B3GNT3: variants seen among roughly 807,000 people sequenced by gnomAD.
The protein encoded by B3GNT3 is UDP-GlcNAc:betaGal beta-1,3-N-acetylglucosaminyltransferase 3, also known as N-acetyllactosaminide beta-1,3-N-acetylglucosaminyltransferase 3.
B3GNT3 carries 7 observed loss-of-function variants against 11.6 expected under a neutral mutation model. The observed-to-expected ratio is 0.60, with a 90% CI of 0.34 to 1.13. The LOEUF (loss-of-function observed/expected upper bound fraction) is 1.13, where lower values mean the gene tolerates loss of function less well. Among genes scored for constraint, B3GNT3 ranks in the 50% most tolerant of loss-of-function variants. The pLI is 0.03. For synonymous variants in B3GNT3, 201 were observed against 222.1 expected, an observed-to-expected ratio of 0.90 and a Z score of 0.85; for missense variants, 400 against 507.4, an observed-to-expected ratio of 0.79 and a Z score of 2.03.
chr19:17,806,318 T>C (rs1004865433), intron 1 of B3GNT3, among the ~76,000 whole-genome samples: 6 of 152,024 alleles, frequency 3.9e-5, no homozygotes, highest in African/African-American at 1.2e-4. Flanking sequence ...GGTTTCACCA[T>C]GCTGCCCAAG....
In B3GNT3 at chr19:17,801,114, G is replaced by A. The variant is rs144177058; in HGVS notation, c.-51+5908G>A. Among the ~76,000 whole-genome samples, 1,156 of 152,022 alleles carry A rather than the reference G, an allele frequency of 7.6e-3. 16 individuals are homozygous for A. Among genetic ancestry groups the A allele is most frequent in the African/African-American group, 0.026 (1,098 of 41,440 alleles). On this transcript the variant is annotated intron_variant, in intron 1 of 2. Coordinates refer to ENST00000318683, the MANE Select transcript of B3GNT3 (RefSeq NM_014256.4). Reference sequence around the variant, plus strand: ...GCTTTGCAACTATTTTGTATATTACGAATAGTAGGCACCTCCTCTGTAGTT... The same window carrying A: ...GCTTTGCAACTATTTTGTATATTACAAATAGTAGGCACCTCCTCTGTAGTT...
At chr19:17,808,401 G>A (rs780573202) in intron 2 of B3GNT3, 27 bp downstream of exon 2, 40 of 1,564,784 alleles carry the variant, frequency 2.6e-5, no homozygotes, top group African/African-American at 6.8e-5. Context: ...TCACCTGATC[G>A]GGGCCACCTG....
chr19:17,807,106 GC>G (rs1345132187), intron 1 of B3GNT3, among the ~76,000 whole-genome samples: 2 of 148,426 alleles, frequency 1.3e-5, no homozygotes, highest in Admixed American at 1.4e-4. Flanking sequence ...GGGAGCAGTG[GC>G]CCCAGTGTGT....
chr19:17,795,032 G>A (rs1229542832), upstream of B3GNT3: 4 of 152,736 alleles, frequency 2.6e-5, no homozygotes, highest in African/African-American at 9.6e-5. Flanking sequence ...CAGCCGAGCT[G>A]GGAAGAGGGG....
intron 2 of B3GNT3, among the ~76,000 whole-genome samples, chr19:17,809,636 A>G (rs1349228258): frequency 6.6e-6 from 1 of 151,252 alleles, no homozygotes; most frequent in Non-Finnish European, 1.5e-5. Context: ...TTTAGCAGAG[A>G]TGGGGTTTCA....
Position 17,808,208 on chromosome 19 carries a change from G to C in B3GNT3, c.401G>C (p.Arg134Pro), listed in dbSNP as rs750458504. The change falls in exon 2 of 3, where the codon CGC (arginine) becomes CCC (proline). Residue 134 changes from arginine to proline, a missense_variant. Transcript: ENST00000318683. ...CTGCGGCGCACGTGGGGCCGCGAGC[G>C]CAAGGTACGGGGTTTGCAGCTGCGC... is the stretch of plus-strand genomic sequence containing the variant. Reference protein sequence around the residue: ...ELLRRTWGRERKVRGLQLRLL... With the variant: ...ELLRRTWGREPKVRGLQLRLL... The C allele has an allele frequency of 6.2e-7, 1 of 1,611,660 alleles. No homozygotes were observed. The highest frequency in any genetic ancestry group is 1.7e-5 in the Admixed American group (1 of 59,918).
At chr19:17,809,490 A>G (rs922296230) in intron 2 of B3GNT3, among the ~76,000 whole-genome samples, 9 of 151,068 alleles carry the variant, frequency 6.0e-5, no homozygotes, top group Non-Finnish European at 1.3e-4. Context: ...TCTGTCCCCC[A>G]GGCTGGAGTG....
chr19:17,799,698 G>A (rs567656879), intron 1 of B3GNT3, among the ~76,000 whole-genome samples: 17 of 152,224 alleles, frequency 1.1e-4, no homozygotes, highest in African/African-American at 3.6e-4. Flanking sequence ...CCCCATGGCT[G>A]CTTCAAAGGC....
chr19:17,804,584 C>G (rs942895893), intron 1 of B3GNT3, among the ~76,000 whole-genome samples: 5 of 122,010 alleles, frequency 4.1e-5, no homozygotes, highest in African/African-American at 1.6e-4. Flanking sequence ...GTTGCCCAGG[C>G]TGGAGTGCAG....
rs1285405730 is a variant in B3GNT3, at chr19:17,812,456, C to T, written c.*334C>T. 1 of 282,990 alleles carries T rather than the reference C, an allele frequency of 3.5e-6. No individual in the cohort carries two copies. Among genetic ancestry groups the T allele is most frequent in the Non-Finnish European group, 6.7e-6 (1 of 149,908 alleles). The allele number at this position is 282,990 out of a possible 1,614,324, so 17.5% of individuals were successfully genotyped here. ...CAAAGTCTTACTTCCCTGCTCTCAC[C>T]TACTCACAGACGGGATGCTAAGCAG... On this transcript the variant is annotated 3_prime_UTR_variant, in exon 3 of 3. Coordinates refer to ENST00000318683, the MANE Select transcript of B3GNT3 (RefSeq NM_014256.4).
At chr19:17,797,003 C>T (rs1457804901) in intron 1 of B3GNT3, among the ~76,000 whole-genome samples, 3 of 152,112 alleles carry the variant, frequency 2.0e-5, no homozygotes, top group Admixed American at 6.6e-5. Flanking sequence ...TCACTACCAA[C>T]GTGGCAAACT....
In B3GNT3 at chr19:17,813,117, T is replaced by C. The variant is rs1256115632; in HGVS notation, c.*995T>C. On this transcript the variant is annotated 3_prime_UTR_variant, in exon 3 of 3. Transcript: ENST00000318683. ...TTTTTTTTAAGCAAATTTACAAGTTTCAACAGACAAGTCCACATTCATCCC... is the reference window on the plus strand; with the variant it reads ...TTTTTTTTAAGCAAATTTACAAGTTCCAACAGACAAGTCCACATTCATCCC... 1.3e-5 allele frequency: 2 copies of C among 151,864 alleles called. No individual in the cohort carries two copies. Among genetic ancestry groups the C allele is most frequent in the African/African-American group, 2.4e-5 (1 of 41,336 alleles). The allele number at this position is 151,864 out of a possible 1,614,324, so 9.4% of individuals were successfully genotyped here. A position where few individuals can be genotyped will look rare whatever the true frequency, so the allele number is the denominator to read the frequency against.
chr19:17,807,986 C>CCCCCCGG lies in B3GNT3; in HGVS notation c.179_180insCCCCCGG (p.Cys61ProfsTer44). ...CCACCCACCCGCCCAGCCCCGGCCC[C>CCCCCCGG]GTGCCATGCCAACACCTCTATGGTC... On this transcript the variant is annotated frameshift_variant, in exon 2 of 3. Transcript: ENST00000318683. LOFTEE classifies it high-confidence loss of function. The CCCCCCGG allele has an allele frequency of 6.3e-7, 1 of 1,585,636 alleles. No homozygotes were observed. Among genetic ancestry groups the CCCCCCGG allele is most frequent in the Non-Finnish European group, 8.6e-7 (1 of 1,156,438 alleles).
rs531669680 is a variant in B3GNT3 at position 17,805,876 on chromosome 19, C to T, written c.-50-1882C>T. ...GCAGTGGTGTGATCATAGCTCACTG[C>T]AGCCTTGAACTCCTGGGCTCAGGTG... On this transcript the variant is annotated intron_variant, in intron 1 of 2. Coordinates refer to ENST00000318683, the MANE Select transcript of B3GNT3 (RefSeq NM_014256.4). 2.0e-5 allele frequency among the ~76,000 whole-genome samples: 3 copies of T among 152,186 alleles called. No individual in the cohort carries two copies. The South Asian group carries it at 6.2e-4, about 32-fold the overall frequency.
intron 1 of B3GNT3, among the ~76,000 whole-genome samples, chr19:17,806,506 G>A (rs1251764278): frequency 1.3e-5 from 2 of 152,116 alleles, no homozygotes; most frequent in East Asian, 1.9e-4. Flanking sequence ...CCAGGTGGCC[G>A]AGAGTTGGCC....
chr19:17,800,024 A>G (rs73923206), intron 1 of B3GNT3, among the ~76,000 whole-genome samples: 9,124 of 152,118 alleles, frequency 0.06, 308 homozygotes, highest in Middle Eastern at 0.078. Context: ...CCCAGGTGGT[A>G]CCAGCAGGGT....
intron 1 of B3GNT3, among the ~76,000 whole-genome samples, chr19:17,803,009 A>ATTT (rs71164307): frequency 9.2e-4 from 135 of 146,402 alleles, no homozygotes; most frequent in Non-Finnish European, 1.7e-3. Context: ...GTGTTAAAGG[A>ATTT]TTTTTTTTTT....
intron 2 of B3GNT3, among the ~76,000 whole-genome samples, chr19:17,810,935 T>G (rs1167704682): frequency 3.1e-5 from 3 of 96,858 alleles, no homozygotes; most frequent in East Asian, 4.9e-4. Flanking sequence ...AGGCCAGGAG[T>G]GGTGGCTCAT....
chr19:17,803,530 G>A (rs545861422), intron 1 of B3GNT3, among the ~76,000 whole-genome samples: 4 of 152,266 alleles, frequency 2.6e-5, no homozygotes, highest in South Asian at 4.1e-4. Flanking sequence ...AGGCAGGACC[G>A]ACTGGTCTGG....
Sources: gnomAD v4.1 joint callset for allele counts (sites outside exome capture counted in the v4.1 genomes callset) on GRCh38, gnomAD v4.1.1 for gene constraint, MANE v1.5 for transcripts, NCBI Gene and HGNC (gene_info 2026-07-23, HGNC 2026-07-21) for gene names.